Variants in GAS7 observed in about 807,000 individuals in gnomAD.
GAS7 encodes the protein growth arrest specific 7.
Under a neutral mutation model 71.1 loss-of-function variants are expected in GAS7, and 28 were observed. That is an observed-to-expected ratio of 0.39 (90% CI 0.29 to 0.54). GAS7 has a LOEUF of 0.54. GAS7 is among the 20% of genes least tolerant of loss of function. The pLI, the probability that GAS7 is intolerant of heterozygous loss-of-function variation, is 0.62. For synonymous variants in GAS7, 258 were observed against 245.8 expected (o/e 1.05, Z -0.46); for missense variants, 436 against 627.8 (o/e 0.69, Z 3.27).
intron 1 of GAS7, among the ~76,000 whole-genome samples, chr17:10,082,967 T>A (rs2073474509): frequency 6.6e-6 from 1 of 152,142 alleles, no homozygotes; most frequent in Non-Finnish European, 1.5e-5. Context: ...GATTCAGAAG[T>A]GACCTGGAGA....
intron 5 of GAS7, among the ~76,000 whole-genome samples, chr17:9,957,558 A>G (rs2069295050): frequency 6.6e-6 from 1 of 152,050 alleles, no homozygotes; most frequent in African/African-American, 2.4e-5. Context: ...GAATTCAAAT[A>G]TGTCTCCCAC....
chr17:9,928,261 T>C (rs182726050), intron 9 of GAS7, among the ~76,000 whole-genome samples: 5,855 of 150,220 alleles, frequency 0.039, 303 homozygotes, highest in African/African-American at 0.097. Flanking sequence ...TACAGGCACC[T>C]GCCACCACGC....
Position 9,981,771 on chromosome 17 carries a change from C to T in GAS7, c.385+33G>A. Reference sequence around the variant, plus strand: ...CCACTGAATGTGGCATCAGGGCCCTCCCAGTTGCCCCAAAGCAGACAGCGG... The same window carrying T: ...CCACTGAATGTGGCATCAGGGCCCTTCCAGTTGCCCCAAAGCAGACAGCGG... On this transcript the variant is annotated intron_variant, in intron 3 of 13. Transcript: ENST00000432992. The surrounding 1 kb of genome is among the most constrained non-coding windows in gnomAD (Gnocchi z 4.4). The T allele has an allele frequency of 8.2e-7, 1 of 1,219,894 alleles. No homozygotes were observed. The allele number at this position is 1,219,894 out of a possible 1,614,324, so 75.6% of individuals were successfully genotyped here. A position where few individuals can be genotyped will look rare whatever the true frequency, so the allele number is the denominator to read the frequency against.
At chr17:9,994,385 C>T (rs964725414) in intron 2 of GAS7, among the ~76,000 whole-genome samples, 2 of 143,312 alleles carry the variant, frequency 1.4e-5, no homozygotes, top group African/African-American at 2.6e-5. Context: ...CGCATATCTA[C>T]AACTACCTGA....
chr17:10,156,456 GAGCAAATAATTTT>G (rs1159793447), intron 1 of GAS7, among the ~76,000 whole-genome samples: 1 of 152,144 alleles, frequency 6.6e-6, no homozygotes, highest in African/African-American at 2.4e-5. Context: ...TATTCTCCCA[GAGCAAATAATTTT>G]GTGTTTTAAC....
At chr17:10,184,594 C>T (rs905819295) in intron 1 of GAS7, among the ~76,000 whole-genome samples, 1 of 152,172 alleles carries the variant, frequency 6.6e-6, no homozygotes, top group Non-Finnish European at 1.5e-5. Flanking sequence ...AGTGGCATCA[C>T]CTGGGAGCTG....
chr17:10,191,157 G>A (rs1456806278), intron 1 of GAS7, among the ~76,000 whole-genome samples: 2 of 140,802 alleles, frequency 1.4e-5, no homozygotes, highest in Admixed American at 1.4e-4. Context: ...CCTGGGCAAC[G>A]AGAGCGGAAC....
At chr17:10,135,285 T>C (rs2074029453) in intron 1 of GAS7, among the ~76,000 whole-genome samples, 1 of 152,180 alleles carries the variant, frequency 6.6e-6, no homozygotes, top group Non-Finnish European at 1.5e-5. Context: ...CCTGGCGCAG[T>C]GGTGGGTGTG....
intron 1 of GAS7, among the ~76,000 whole-genome samples, chr17:10,194,441 T>C (rs952284120): frequency 2.0e-5 from 3 of 152,220 alleles, no homozygotes; most frequent in African/African-American, 7.2e-5. Context: ...CCTGGTACCA[T>C]GTCTTTCTCT....
intron 5 of GAS7, among the ~76,000 whole-genome samples, chr17:9,952,397 C>CTT (rs973573775): frequency 1.4e-5 from 2 of 147,094 alleles, no homozygotes; most frequent in South Asian, 2.2e-4. Flanking sequence ...GACACTTTTT[C>CTT]TTTTTTTTTT....
chr17:10,065,253 C>T lies in GAS7; in HGVS notation c.184-45356G>A, dbSNP rs149318587. On this transcript the variant is annotated intron_variant, in intron 1 of 13. Transcript: ENST00000432992. ...AGATTTGGTTCCTTTCTTGAGCCTGCACTTGTGGGTAAGCTTCTCTTCCAA... is the reference window on the plus strand; with the variant it reads ...AGATTTGGTTCCTTTCTTGAGCCTGTACTTGTGGGTAAGCTTCTCTTCCAA... Among the ~76,000 whole-genome samples the T allele has an allele frequency of 1.7e-3, 264 of 152,356 alleles. 1 individual carries two copies. The highest frequency in any genetic ancestry group is 0.014 in the Middle Eastern group (4 of 294).
At chr17:10,182,341 G>A (rs2074422899) in intron 1 of GAS7, among the ~76,000 whole-genome samples, 1 of 152,138 alleles carries the variant, frequency 6.6e-6, no homozygotes, top group South Asian at 2.1e-4. Context: ...TGCATATTTA[G>A]TAGAGATGGG....
rs2074558526 is a variant in GAS7 at position 10,198,561 on chromosome 17, G to A, written c.-171C>T. ...CAGGCAGGCGGGGGACGCGCGCTCC[G>A]CGCCGGGAAGCAGAGACTCGTTGGC... On this transcript the variant is annotated 5_prime_UTR_variant, in exon 1 of 14. Transcript: ENST00000432992. 5.1e-6 allele frequency: 2 copies of A among 393,934 alleles called. No homozygotes were observed. The highest frequency in any genetic ancestry group is 4.0e-5 in the East Asian group (1 of 24,862). 24.4% of individuals were successfully genotyped at this position (393,934 alleles called of 1,614,324 possible).
intron 1 of GAS7, among the ~76,000 whole-genome samples, chr17:10,178,571 C>G (rs1206348524): frequency 6.6e-6 from 1 of 152,050 alleles, no homozygotes; most frequent in African/African-American, 2.4e-5. Flanking sequence ...CTGTGAACAT[C>G]CCTAAACCCC....
chr17:10,128,705 C>T (rs377221284), intron 1 of GAS7, among the ~76,000 whole-genome samples: 13 of 151,768 alleles, frequency 8.6e-5, no homozygotes, highest in African/African-American at 2.2e-4. Flanking sequence ...CTGCAAGCTC[C>T]GCCTCCCGGG....
At chr17:10,054,699 C>T (rs2073111943) in intron 1 of GAS7, among the ~76,000 whole-genome samples, 1 of 152,190 alleles carries the variant, frequency 6.6e-6, no homozygotes, top group East Asian at 1.9e-4. Flanking sequence ...AAGTACCAAT[C>T]AGCACGTCTG....
intron 1 of GAS7, among the ~76,000 whole-genome samples, chr17:10,066,151 A>C (rs1369814361): frequency 6.6e-6 from 1 of 152,116 alleles, no homozygotes; most frequent in Admixed American, 6.6e-5. Context: ...AATGGGAGGG[A>C]GAGGAAAGTA....
intron 1 of GAS7, among the ~76,000 whole-genome samples, chr17:10,121,439 G>A (rs2073903763): frequency 6.6e-6 from 1 of 152,088 alleles, no homozygotes; most frequent in African/African-American, 2.4e-5. Flanking sequence ...GGAGAGAGAT[G>A]GCCTGGTTCT....
chr17:10,056,912 G>A (rs1396915527), intron 1 of GAS7, among the ~76,000 whole-genome samples: 2 of 151,892 alleles, frequency 1.3e-5, no homozygotes, highest in African/African-American at 2.4e-5. Context: ...GCCTCAGCCT[G>A]CCAAGTGCCT....
Sources: allele counts gnomAD v4.1 joint callset (sites outside exome capture counted in the v4.1 genomes callset), GRCh38; gene constraint gnomAD v4.1.1; non-coding constraint Gnocchi (gnomAD v3.1); transcripts MANE v1.5; gene names NCBI Gene and HGNC (gene_info 2026-07-23, HGNC 2026-07-21).